Variants in CCT8 observed in about 807,000 individuals in gnomAD.
CCT8 encodes the protein chaperonin containing TCP1 subunit 8.
In CCT8, 10 loss-of-function variants were observed where a neutral mutation model predicts 65.7. That is an observed-to-expected ratio of 0.15 (90% CI 0.09 to 0.26). The LOEUF is 0.26. Among genes scored for constraint, CCT8 ranks in the 10% least tolerant of loss-of-function variants. The pLI is 1.00. For synonymous variants in CCT8, 199 were observed against 221.8 expected, an observed-to-expected ratio of 0.90 and a Z score of 0.92; for missense variants, 568 against 669.1, an observed-to-expected ratio of 0.85 and a Z score of 1.67.
chr21:29,072,121 G>A lies in CCT8; in HGVS notation c.60+1410C>T, dbSNP rs2085687560. The A allele has an allele frequency of 9.9e-6, 6 of 608,340 alleles. No individual in the cohort carries two copies. In the Admixed American group the frequency reaches 1.8e-4, roughly 18 times the overall value. 37.7% of individuals were successfully genotyped at this position (608,340 alleles called of 1,614,324 possible). On this transcript the variant is annotated intron_variant, in intron 1 of 14. Coordinates refer to ENST00000286788, the MANE Select transcript of CCT8 (RefSeq NM_006585.4). ...GGTCGGGGGAAACAGCCCAGGCTCAGGGGCTTCTCTCACTAAGCACTGAGC... is the reference window on the plus strand; with the variant it reads ...GGTCGGGGGAAACAGCCCAGGCTCAAGGGCTTCTCTCACTAAGCACTGAGC...
intron 13 of CCT8, 151 bp from the exon 14 acceptor site, chr21:29,060,811 T>C (rs976244778): frequency 1.8e-5 from 15 of 834,108 alleles, no homozygotes; most frequent in Middle Eastern, 2.5e-4. Context: ...TATGTGAGGA[T>C]TGGTTCTAGC....
intron 7 of CCT8, among the ~76,000 whole-genome samples, chr21:29,064,370 G>C (rs1331264704): frequency 2.6e-5 from 3 of 115,570 alleles, no homozygotes; most frequent in Admixed American, 1.2e-4. Flanking sequence ...AGCCAAGATT[G>C]TACCACTGGA....
At chr21:29,064,409 T>TA (rs34760776) in intron 7 of CCT8, among the ~76,000 whole-genome samples, 5,185 of 26,754 alleles carry the variant, frequency 0.19, 655 homozygotes, top group African/African-American at 0.23. Flanking sequence ...AGCAAGACTC[T>TA]AAAAAAAAAA....
chr21:29,069,177 G>A (rs1008945425), intron 3 of CCT8, among the ~76,000 whole-genome samples: 7 of 152,036 alleles, frequency 4.6e-5, no homozygotes, highest in African/African-American at 9.7e-5. Context: ...ATTTCATATC[G>A]TAATTAGCAA....
Position 29,060,547 on chromosome 21 carries a change from C to T in CCT8, c.1563G>A (p.Val521=). 6.2e-7 allele frequency: 1 copy of T among 1,613,516 alleles called. No individual in the cohort carries two copies. The change falls in exon 14 of 15, where the codon GTG becomes GTA. Residue 521 remains valine (V), a synonymous_variant. Coordinates refer to ENST00000286788, the MANE Select transcript of CCT8 (RefSeq NM_006585.4). ...AAAATTTCACTTTGCTCACCTGATCCACTCTAAGTACAGTGACTGCAGCAT... is the reference window on the plus strand; with the variant it reads ...AAAATTTCACTTTGCTCACCTGATCTACTCTAAGTACAGTGACTGCAGCAT... The part of the protein sequence containing the change: ...ATNAAVTVLR[V]DQIIMAKPAG...
rs1568907448 is a variant in CCT8 at position 29,057,660 on chromosome 21, G to GTATC, written c.1570-1109_1570-1108insGATA. Reference sequence around the variant, plus strand: ...ATATAACATTTGATAATATATATATGATATATGTATCATATATACGATACA... The same window carrying GTATC: ...ATATAACATTTGATAATATATATATGTATCATATATGTATCATATATACGATACA... On this transcript the variant is annotated intron_variant, in intron 14 of 14. Transcript: ENST00000286788. Among the ~76,000 whole-genome samples, 14 of 58,658 alleles carry GTATC rather than the reference G, an allele frequency of 2.4e-4. 1 individual carries two copies. In the South Asian group the frequency reaches 0.012, roughly 48 times the overall value. The allele number at this position is 58,658 out of a possible 152,430, so 38.5% of individuals were successfully genotyped here.
At position 29,060,560 on chromosome 21, in the gene CCT8, G is replaced by A; in HGVS notation, c.1550C>T (p.Thr517Ile). 6.2e-7 allele frequency: 1 copy of A among 1,613,820 alleles called. No homozygotes were observed. Among genetic ancestry groups the A allele is most frequent in the Non-Finnish European group, 8.5e-7 (1 of 1,179,790 alleles). The stretch of plus-strand genomic sequence containing the variant: ...GCTCACCTGATCCACTCTAAGTACA[G>A]TGACTGCAGCATTAGTAGCGAGTTT... ...AIKLATNAAVTVLRVDQIIMA... is the reference protein window; with the variant it reads ...AIKLATNAAVIVLRVDQIIMA... Residue 517 changes from threonine to isoleucine, a missense_variant, in exon 14 of 15, where the codon ACT (threonine) becomes ATT (isoleucine). Thr to Ile is a moderately conservative substitution (Grantham distance 89, BLOSUM62 -1). Transcript: ENST00000286788.
At chr21:29,065,365 C>G (rs955083569) in intron 6 of CCT8, among the ~76,000 whole-genome samples, 1 of 152,174 alleles carries the variant, frequency 6.6e-6, no homozygotes, top group African/African-American at 2.4e-5. Context: ...GAGAACTGGT[C>G]TTAGCCATTC....
intron 13 of CCT8, among the ~76,000 whole-genome samples, chr21:29,061,039 T>C (rs1350018948): frequency 6.6e-6 from 1 of 152,194 alleles, no homozygotes; most frequent in Non-Finnish European, 1.5e-5. Context: ...GATACAGAAC[T>C]GGGCTGACTA....
chr21:29,060,435 A>C (rs2085550421), intron 14 of CCT8, 106 bp downstream of exon 14: 2 of 1,199,986 alleles, frequency 1.7e-6, no homozygotes. Flanking sequence ...GTGAGGACTA[A>C]GAATCCTTTG....
intron 14 of CCT8, among the ~76,000 whole-genome samples, chr21:29,057,766 TATATA>T (rs2085518527): frequency 1.0e-5 from 1 of 96,698 alleles, no homozygotes; most frequent in African/African-American, 3.6e-5. Context: ...TGATATGAGA[TATATA>T]TGATATATAT....
intron 14 of CCT8, among the ~76,000 whole-genome samples, chr21:29,058,524 C>T (rs2085529043): frequency 6.6e-6 from 1 of 152,072 alleles, no homozygotes; most frequent in Admixed American, 6.5e-5. Flanking sequence ...TTAAAACAGA[C>T]TGCTAGGCCT....
chr21:29,065,126 CTCA>C, intron 6 of CCT8, 21 bp from the exon 7 acceptor site: 1 of 1,610,904 alleles, frequency 6.2e-7, no homozygotes, highest in East Asian at 2.2e-5. Context: ...GAATACCAAA[CTCA>C]TCAGCAATCT....
intron 1 of CCT8, chr21:29,072,359 A>G (rs2085691263): frequency 6.1e-6 from 1 of 162,702 alleles, no homozygotes; most frequent in Non-Finnish European, 1.3e-5. Flanking sequence ...TTCAGTACCT[A>G]TTTATTGAAA....
intron 3 of CCT8, among the ~76,000 whole-genome samples, chr21:29,068,654 G>A (rs973645775): frequency 2.0e-5 from 3 of 152,004 alleles, no homozygotes. Context: ...TAGTAGAGAT[G>A]GGGTTTCACC....
In CCT8 at chr21:29,069,908, A is replaced by G. The variant is rs555186108; in HGVS notation, c.151+339T>C. ...GTATCATTTAAATTTAATTGGTGGT[A>G]GAAGGCAAGAGGAAGGAGAGAATTT... On this transcript the variant is annotated intron_variant, in intron 2 of 14. Coordinates refer to ENST00000286788, the MANE Select transcript of CCT8 (RefSeq NM_006585.4). Among the ~76,000 whole-genome samples, 4 of 152,368 alleles carry G rather than the reference A, an allele frequency of 2.6e-5. No individual in the cohort carries two copies. The South Asian group carries it at 8.3e-4, about 32-fold the overall frequency.
intron 11 of CCT8, 121 bp downstream of exon 11, chr21:29,062,007 A>C (rs1313122956): frequency 5.8e-6 from 4 of 684,854 alleles, no homozygotes; most frequent in Non-Finnish European, 7.7e-6. Context: ...CAGGTGCTTC[A>C]TTTCATATAA....
In CCT8 at chr21:29,065,033, A is replaced by T. The variant is rs773913046; in HGVS notation, c.697T>A (p.Ser233Thr). The T allele has an allele frequency of 1.4e-5, 22 of 1,613,846 alleles. No homozygotes were observed. Among genetic ancestry groups the T allele is most frequent in the Non-Finnish European group, 1.9e-5 (22 of 1,179,774 alleles). Reference sequence around the variant, plus strand: ...ACTGCTATTTTTGCATCTTTGACAGATGTTACATCACCTTCGGTTTCCTTC... The same window carrying T: ...ACTGCTATTTTTGCATCTTTGACAGTTGTTACATCACCTTCGGTTTCCTTC... Reference protein sequence around the residue: ...FKKETEGDVTSVKDAKIAVYS... With the variant: ...FKKETEGDVTTVKDAKIAVYS... Residue 233 changes from serine to threonine, a missense_variant, in exon 7 of 15, where the codon TCT (serine) becomes ACT (threonine). By Grantham distance (58) the Ser-to-Thr change is moderately conservative. Transcript: ENST00000286788.
At chr21:29,066,647 A>G in intron 6 of CCT8, 69 bp downstream of exon 6, 1 of 949,438 alleles carries the variant, frequency 1.1e-6, no homozygotes, top group Non-Finnish European at 1.6e-6. Context: ...TTTTTTTTGC[A>G]CAAAAAAACA....
Sources: allele counts gnomAD v4.1 joint callset (sites outside exome capture counted in the v4.1 genomes callset), GRCh38; gene constraint gnomAD v4.1.1; transcripts MANE v1.5; gene names NCBI Gene and HGNC (gene_info 2026-07-23, HGNC 2026-07-21).